The following TPD52 variants were observed in gnomAD, a reference collection of about 807,000 sequenced individuals.
The protein encoded by TPD52 is tumor protein D52.
TPD52 carries 17 observed loss-of-function variants against 31.3 expected under a neutral mutation model. The observed-to-expected ratio is 0.54, with a 90% CI of 0.37 to 0.82. The LOEUF (loss-of-function observed/expected upper bound fraction) is 0.82, where lower values mean the gene tolerates loss of function less well. Ranked by LOEUF, TPD52 falls within the 40% of genes least tolerant of loss-of-function variation. The probability of loss-of-function intolerance (pLI) is 0.00; values close to 1 mark genes in which losing one functional copy is unlikely to be tolerated. For synonymous variants in TPD52, 83 were observed against 89.6 expected (o/e 0.93, Z 0.42); for missense variants, 212 against 240.1 (o/e 0.88, Z 0.77).
rs368599429 is a variant in TPD52 at position 80,085,107 on chromosome 8, AT to A, written c.20-20515del. On this transcript the variant is annotated intron_variant, in intron 1 of 7. Transcript: ENST00000518937. The stretch of plus-strand genomic sequence containing the variant: ...TTGTATGGTCCATGTTTGTGTAATA[AT>A]TTATGAGAGAGAAAACCACAAACCA... Among the ~76,000 whole-genome samples, 44 of 152,348 alleles carry A rather than the reference AT, an allele frequency of 2.9e-4. No homozygotes were observed. The East Asian group carries it at 7.3e-3, about 25-fold the overall frequency.
At chr8:80,127,571 G>A (rs1226165544) in intron 1 of TPD52, 1 of 152,102 alleles carries the variant, frequency 6.6e-6, no homozygotes, top group Non-Finnish European at 1.5e-5. Context: ...CCAAACAGGT[G>A]GGAGTAAAGC....
At chr8:80,072,651 A>G (rs1455027475) in intron 1 of TPD52, among the ~76,000 whole-genome samples, 2 of 106,932 alleles carry the variant, frequency 1.9e-5, no homozygotes, top group Non-Finnish European at 3.6e-5. Flanking sequence ...ACATGTACAC[A>G]GATATGTGTG....
intron 1 of TPD52, among the ~76,000 whole-genome samples, chr8:80,117,925 G>A (rs1050867912): frequency 4.0e-5 from 6 of 151,542 alleles, no homozygotes; most frequent in African/African-American, 1.5e-4. Context: ...GTAGAGATGG[G>A]GTTTCACCAT....
chr8:80,055,780 T>C (rs1207302612), intron 2 of TPD52, among the ~76,000 whole-genome samples: 1 of 152,028 alleles, frequency 6.6e-6, no homozygotes, highest in Non-Finnish European at 1.5e-5. Context: ...ACAAATATAT[T>C]AAAAATGCTC....
intron 2 of TPD52, among the ~76,000 whole-genome samples, chr8:80,063,151 T>C (rs2130671011): frequency 6.6e-6 from 1 of 152,240 alleles, no homozygotes; most frequent in Admixed American, 6.5e-5. Flanking sequence ...ATCACCCAAA[T>C]GTCTATGAAT....
chr8:80,167,512 C>T (rs1010480089), intron 1 of TPD52, among the ~76,000 whole-genome samples: 9 of 152,172 alleles, frequency 5.9e-5, no homozygotes, highest in African/African-American at 2.2e-4. Flanking sequence ...TGAAGAAGAG[C>T]TAACAAAGAC....
chr8:80,138,406 A>AT (rs1464735914), intron 1 of TPD52, among the ~76,000 whole-genome samples: 3 of 152,196 alleles, frequency 2.0e-5, no homozygotes, highest in African/African-American at 4.8e-5. Flanking sequence ...AATGGGGTTC[A>AT]TATCATTTAG....
At chr8:80,096,133 G>T (rs1200073715) in intron 1 of TPD52, among the ~76,000 whole-genome samples, 1 of 152,164 alleles carries the variant, frequency 6.6e-6, no homozygotes, top group East Asian at 1.9e-4. Flanking sequence ...GTGTGCACCT[G>T]CAGTCCCACC....
Position 80,113,817 on chromosome 8 carries a change from A to C in TPD52, c.20-49224T>G, listed in dbSNP as rs534992809. On this transcript the variant is annotated intron_variant, in intron 1 of 7. Coordinates refer to ENST00000518937, the MANE Select transcript of TPD52 (RefSeq NM_001025253.3). Reference sequence around the variant, plus strand: ...TGTTAAATGTTCACAACACAAAGAAATGATAAATGTTTGTGGTGAAGAATA... The same window carrying C: ...TGTTAAATGTTCACAACACAAAGAACTGATAAATGTTTGTGGTGAAGAATA... Among the ~76,000 whole-genome samples the C allele has an allele frequency of 2.0e-5, 3 of 152,356 alleles. No individual in the cohort carries two copies. In the South Asian group the frequency reaches 6.2e-4, roughly 32 times the overall value.
At chr8:80,109,189 T>C (rs530975887) in intron 1 of TPD52, among the ~76,000 whole-genome samples, 2 of 152,268 alleles carry the variant, frequency 1.3e-5, no homozygotes, top group Admixed American at 6.5e-5. Context: ...CCCAAATATA[T>C]AGGTACTGCA....
chr8:80,154,138 G>C (rs1051533760), intron 1 of TPD52, among the ~76,000 whole-genome samples: 4 of 152,190 alleles, frequency 2.6e-5, no homozygotes, highest in Non-Finnish European at 4.4e-5. Flanking sequence ...GTGGGAAAAT[G>C]AACACACCTT....
chr8:80,075,435 C>T (rs28540509), intron 1 of TPD52, among the ~76,000 whole-genome samples: 1,603 of 152,228 alleles, frequency 0.011, 25 homozygotes, highest in East Asian at 0.049. Flanking sequence ...AATGTCCCCA[C>T]CCAAGACAGA....
intron 1 of TPD52, among the ~76,000 whole-genome samples, chr8:80,154,735 A>G (rs57389612): frequency 0.077 from 10,874 of 141,576 alleles, 747 homozygotes; most frequent in African/African-American, 0.19. Flanking sequence ...ACACACACAC[A>G]CACACACACA....
At chr8:80,116,193 A>G (rs1807851663) in intron 1 of TPD52, among the ~76,000 whole-genome samples, 1 of 152,200 alleles carries the variant, frequency 6.6e-6, no homozygotes. Context: ...CATAACATTA[A>G]TGACCATAAA....
intron 1 of TPD52, among the ~76,000 whole-genome samples, chr8:80,160,071 G>A (rs973767265): frequency 2.6e-5 from 4 of 151,970 alleles, no homozygotes; most frequent in Admixed American, 2.0e-4. Context: ...TGCGCCTGTG[G>A]CCCCAGCTAC....
At chr8:80,124,197 A>C (rs1808449997) in intron 1 of TPD52, among the ~76,000 whole-genome samples, 1 of 150,566 alleles carries the variant, frequency 6.6e-6, no homozygotes, top group Admixed American at 6.6e-5. Flanking sequence ...ACAGGGTCTC[A>C]CTCTGTCATC....
chr8:80,092,187 T>C (rs1816326153), intron 1 of TPD52, among the ~76,000 whole-genome samples: 1 of 152,180 alleles, frequency 6.6e-6, no homozygotes, highest in Admixed American at 6.5e-5. Flanking sequence ...TCCTCTTTTC[T>C]AGCTATTTTG....
At chr8:80,058,536 G>A (rs577715875) in intron 2 of TPD52, among the ~76,000 whole-genome samples, 1 of 152,370 alleles carries the variant, frequency 6.6e-6, no homozygotes, top group East Asian at 1.9e-4. Flanking sequence ...GGTGGCCCAT[G>A]CCTGTAATCC....
chr8:80,069,815 G>A (rs868525581), intron 1 of TPD52, among the ~76,000 whole-genome samples: 5 of 152,050 alleles, frequency 3.3e-5, no homozygotes, highest in South Asian at 2.1e-4. Flanking sequence ...AATAATGTGC[G>A]GAAGACAAAG....
Sources: allele counts gnomAD v4.1 joint callset (sites outside exome capture counted in the v4.1 genomes callset), GRCh38; gene constraint gnomAD v4.1.1; transcripts MANE v1.5; gene names NCBI Gene and HGNC (gene_info 2026-07-23, HGNC 2026-07-21).